Variants in CABCOCO1 observed in about 807,000 individuals in gnomAD.
CABCOCO1 encodes the protein ciliary-associated calcium-binding coiled-coil protein 1.
In CABCOCO1, 28 loss-of-function variants were observed where a neutral mutation model predicts 35.7. That is an observed-to-expected ratio of 0.78 (90% CI 0.58 to 1.07). The LOEUF is 1.07. CABCOCO1 is among the 50% of genes least tolerant of loss of function. The probability of loss-of-function intolerance (pLI) is 0.00; values close to 1 mark genes in which losing one functional copy is unlikely to be tolerated. For synonymous variants in CABCOCO1, 95 were observed against 100.1 expected (o/e 0.95, Z 0.30); for missense variants, 326 against 309.2 (o/e 1.05, Z -0.41).
chr10:61,762,420 C>G (rs1842026508), intron 7 of CABCOCO1, among the ~76,000 whole-genome samples: 1 of 152,060 alleles, frequency 6.6e-6, no homozygotes, highest in Admixed American at 6.6e-5. Context: ...GCTTGCTCAC[C>G]TAAATGTAAT....
At chr10:61,710,242 TTGTGTGTGTGAG>T (rs1290714247) in intron 5 of CABCOCO1, among the ~76,000 whole-genome samples, 3 of 139,206 alleles carry the variant, frequency 2.2e-5, no homozygotes, top group Admixed American at 7.1e-5. Flanking sequence ...GAATTAATGT[TTGTGTGTGTGAG>T]TGTGTGTGTG....
At chr10:61,758,775 G>A (rs1216484524) in intron 5 of CABCOCO1, among the ~76,000 whole-genome samples, 1 of 151,904 alleles carries the variant, frequency 6.6e-6, no homozygotes, top group Non-Finnish European at 1.5e-5. Flanking sequence ...ACACGTTGGG[G>A]CTTCTATATA....
At chr10:61,668,010 G>A (rs908323104) in intron 1 of CABCOCO1, among the ~76,000 whole-genome samples, 2 of 151,914 alleles carry the variant, frequency 1.3e-5, no homozygotes, top group Non-Finnish European at 1.5e-5. Context: ...TTGGCAAATA[G>A]TCTTTTTCGT....
chr10:61,723,962 A>G (rs1286953934), intron 5 of CABCOCO1, among the ~76,000 whole-genome samples: 1 of 152,240 alleles, frequency 6.6e-6, no homozygotes, highest in Non-Finnish European at 1.5e-5. Flanking sequence ...TGTGCAAAAA[A>G]GTAGCATTCA....
intron 5 of CABCOCO1, among the ~76,000 whole-genome samples, chr10:61,732,876 G>C (rs1162189150): frequency 1.3e-5 from 2 of 152,076 alleles, no homozygotes; most frequent in African/African-American, 4.8e-5. Flanking sequence ...TAGTGAAATT[G>C]AAAGTTAGGA....
intron 5 of CABCOCO1, among the ~76,000 whole-genome samples, chr10:61,691,156 G>A (rs913160403): frequency 1.3e-5 from 2 of 152,042 alleles, no homozygotes; most frequent in African/African-American, 2.4e-5. Context: ...TCTTATTGCT[G>A]AATTTGGGCT....
rs190130219 is a variant in CABCOCO1, at chr10:61,739,634, G to A, written c.553-20425G>A. 1.2e-3 allele frequency among the ~76,000 whole-genome samples: 179 copies of A among 152,142 alleles called. 1 individual carries two copies. Among genetic ancestry groups the A allele is most frequent in the African/African-American group, 4.0e-3 (165 of 41,522 alleles). ...TTTTTTAATGCTAGCATATAGCAAC[G>A]GTAATGGAAAGGAATGGACTTATGT... On this transcript the variant is annotated intron_variant, in intron 5 of 7. Transcript: ENST00000648843.
At chr10:61,680,722 A>ATGT (rs1420912178) in intron 2 of CABCOCO1, among the ~76,000 whole-genome samples, 1 of 127,152 alleles carries the variant, frequency 7.9e-6, no homozygotes, top group African/African-American at 2.9e-5. Flanking sequence ...TATAACATAT[A>ATGT]TATTATATAT....
chr10:61,713,784 T>C (rs907052563), intron 5 of CABCOCO1, among the ~76,000 whole-genome samples: 7 of 152,210 alleles, frequency 4.6e-5, no homozygotes, highest in African/African-American at 1.7e-4. Context: ...GTTTTTGTCA[T>C]TGGTTCTGTT....
intron 3 of CABCOCO1, among the ~76,000 whole-genome samples, chr10:61,682,603 C>CAG (rs1839828500): frequency 6.6e-6 from 1 of 152,046 alleles, no homozygotes; most frequent in Admixed American, 6.6e-5. Context: ...TTGGTTTTCC[C>CAG]CTCAATAGGA....
chr10:61,667,988 T>C (rs1839242625), intron 1 of CABCOCO1, among the ~76,000 whole-genome samples: 1 of 151,976 alleles, frequency 6.6e-6, no homozygotes, highest in Non-Finnish European at 1.5e-5. Context: ...ATATGATGCT[T>C]GCAATATGAT....
intron 5 of CABCOCO1, among the ~76,000 whole-genome samples, chr10:61,741,979 T>C (rs1399132069): frequency 6.6e-6 from 1 of 152,178 alleles, no homozygotes; most frequent in Non-Finnish European, 1.5e-5. Context: ...TACATGGTTC[T>C]TACCAAATGT....
chr10:61,759,501 C>T (rs1841963986), intron 5 of CABCOCO1, among the ~76,000 whole-genome samples: 1 of 151,978 alleles, frequency 6.6e-6, no homozygotes, highest in Admixed American at 6.6e-5. Flanking sequence ...GTTAAATACT[C>T]ATAGTGAAGT....
chr10:61,728,592 T>C (rs1441513343), intron 5 of CABCOCO1, among the ~76,000 whole-genome samples: 1 of 152,228 alleles, frequency 6.6e-6, no homozygotes, highest in Non-Finnish European at 1.5e-5. Context: ...GAGGAATTAC[T>C]AGTTTTTAAA....
chr10:61,719,227 T>C (rs964012953), intron 5 of CABCOCO1, among the ~76,000 whole-genome samples: 2 of 152,180 alleles, frequency 1.3e-5, no homozygotes, highest in African/African-American at 4.8e-5. Context: ...AAAGTTATAA[T>C]GGACTTCTTG....
intron 5 of CABCOCO1, among the ~76,000 whole-genome samples, chr10:61,714,470 T>G (rs535587794): frequency 6.6e-6 from 1 of 152,308 alleles, no homozygotes; most frequent in Admixed American, 6.5e-5. Flanking sequence ...AGCTCCTGGA[T>G]TCATTGATTT....
intron 5 of CABCOCO1, among the ~76,000 whole-genome samples, chr10:61,736,111 T>C (rs1257031467): frequency 6.6e-6 from 1 of 152,126 alleles, no homozygotes; most frequent in Non-Finnish European, 1.5e-5. Context: ...CTGTAGATTG[T>C]ATGTTTACTC....
In CABCOCO1 at chr10:61,681,264, T is replaced by A; in HGVS notation, c.286T>A (p.Tyr96Asn). Residue 96 changes from tyrosine (Y) to asparagine (N), a missense_variant, in exon 3 of 8, where the codon TAT becomes AAT. By Grantham distance (143) the Tyr-to-Asn change is moderately radical. Transcript: ENST00000648843. ...ARGMDFSIIQYSKFMTLLAMS... is the reference protein window; with the variant it reads ...ARGMDFSIIQNSKFMTLLAMS... ...AGGAATGGATTTCTCTATTATTCAG[T>A]ATTCAAAATTTATGACTTTACTAGC... is the stretch of plus-strand genomic sequence containing the variant. The A allele has an allele frequency of 6.4e-7, 1 of 1,571,054 alleles. No homozygotes were observed. The highest frequency in any genetic ancestry group is 8.7e-7 in the Non-Finnish European group (1 of 1,150,892).
At chr10:61,736,515 T>A (rs944419394) in intron 5 of CABCOCO1, among the ~76,000 whole-genome samples, 3 of 152,110 alleles carry the variant, frequency 2.0e-5, no homozygotes, top group Non-Finnish European at 1.5e-5. Flanking sequence ...TGTTTTTGTA[T>A]CAATACCATG....
Sources: allele counts gnomAD v4.1 joint callset (sites outside exome capture counted in the v4.1 genomes callset), GRCh38; gene constraint gnomAD v4.1.1; transcripts MANE v1.5; gene names NCBI Gene and HGNC (gene_info 2026-07-23, HGNC 2026-07-21).